Variants in NFIB observed in about 807,000 individuals in gnomAD.
NFIB encodes the protein nuclear factor I B, also known as nuclear factor 1 B-type.
In NFIB, 11 loss-of-function variants were observed where a neutral mutation model predicts 61.5. The ratio of observed to expected loss-of-function variants is 0.18; its 90% CI spans 0.11 to 0.30. NFIB has a LOEUF of 0.30. Among genes scored for constraint, NFIB ranks in the 10% least tolerant of loss-of-function variants. The probability of loss-of-function intolerance (pLI) is 1.00; values close to 1 mark genes in which losing one functional copy is unlikely to be tolerated. For synonymous variants in NFIB, 260 were observed against 216.5 expected, an observed-to-expected ratio of 1.20 and a Z score of -1.76; for missense variants, 471 against 608.9, an observed-to-expected ratio of 0.77 and a Z score of 2.38.
chr9:14,239,810 A>G (rs1260243167), intron 2 of NFIB, among the ~76,000 whole-genome samples: 1 of 152,194 alleles, frequency 6.6e-6, no homozygotes, highest in African/African-American at 2.4e-5. Context: ...AGCAGAATAA[A>G]TTATGAAAAC....
chr9:14,177,093 C>G (rs373802653), intron 3 of NFIB, among the ~76,000 whole-genome samples: 3 of 152,150 alleles, frequency 2.0e-5, no homozygotes, highest in South Asian at 4.1e-4. Context: ...TATAACAATT[C>G]AAGCAGCAAA....
At chr9:14,502,793 T>C in the NFIB span, among the ~76,000 whole-genome samples, 1 of 152,130 alleles carries the variant, frequency 6.6e-6, no homozygotes, top group East Asian at 1.9e-4. Context: ...CATGAATAAG[T>C]TCTTTAGTGG....
chr9:14,478,057 C>G, the NFIB span, among the ~76,000 whole-genome samples: 1 of 152,192 alleles, frequency 6.6e-6, no homozygotes, highest in Admixed American at 6.6e-5. Flanking sequence ...AAGAAAGGCT[C>G]CCTATTCTCT....
intron 6 of NFIB, among the ~76,000 whole-genome samples, chr9:14,146,398 C>A (rs2042279119): frequency 6.6e-6 from 1 of 152,034 alleles, no homozygotes; most frequent in Non-Finnish European, 1.5e-5. Flanking sequence ...CTGCTGTACT[C>A]CAACCAACAA....
At chr9:14,478,140 C>T in the NFIB span, among the ~76,000 whole-genome samples, 19,561 of 152,180 alleles carry the variant, frequency 0.13, 2,050 homozygotes, top group African/African-American at 0.28. Context: ...GGCATGCACA[C>T]ACACCTACAT....
rs755126502 is a variant in NFIB, at chr9:14,161,199, TG to T, written c.617-5307del. Reference sequence around the variant, plus strand: ...TCTATCTTCAGTTTCTCAACTGACTTGAACTATCCATGGTTAAAGCTAAACT... The same window carrying T: ...TCTATCTTCAGTTTCTCAACTGACTTAACTATCCATGGTTAAAGCTAAACT... On this transcript the variant is annotated intron_variant, in intron 3 of 10. Coordinates refer to ENST00000380953, the MANE Select transcript of NFIB (RefSeq NM_001190737.2). Among the ~76,000 whole-genome samples the T allele has an allele frequency of 3.9e-5, 6 of 152,310 alleles. No individual in the cohort carries two copies. In the East Asian group the frequency reaches 5.8e-4, roughly 15 times the overall value.
At chr9:14,523,769 C>T in the NFIB span, among the ~76,000 whole-genome samples, 4 of 152,100 alleles carry the variant, frequency 2.6e-5, no homozygotes, top group African/African-American at 4.8e-5. Context: ...TTAGAGATGA[C>T]GTTTGCTGAC....
At chr9:14,294,058 C>T (rs777283975) in intron 2 of NFIB, among the ~76,000 whole-genome samples, 35 of 152,112 alleles carry the variant, frequency 2.3e-4, no homozygotes, top group Middle Eastern at 3.2e-3. Context: ...TTATATTATA[C>T]GAATGTTGGA....
At chr9:14,530,813 T>G in the NFIB span, among the ~76,000 whole-genome samples, 14 of 151,014 alleles carry the variant, frequency 9.3e-5, no homozygotes, top group Admixed American at 9.2e-4. Context: ...CTGTACTAAT[T>G]GTGAGAAAAA....
the NFIB span, among the ~76,000 whole-genome samples, chr9:14,448,828 C>T: frequency 6.6e-6 from 1 of 152,128 alleles, no homozygotes; most frequent in South Asian, 2.1e-4. Flanking sequence ...TATGTTTTTG[C>T]AATATTCCCA....
chr9:14,438,714 G>A, the NFIB span, among the ~76,000 whole-genome samples: 42 of 152,220 alleles, frequency 2.8e-4, no homozygotes, highest in East Asian at 3.1e-3. Context: ...TAACCTTTAC[G>A]ATCTGGTGGG....
At chr9:14,444,074 A>C in the NFIB span, among the ~76,000 whole-genome samples, 5 of 152,342 alleles carry the variant, frequency 3.3e-5, no homozygotes, top group African/African-American at 1.2e-4. Flanking sequence ...TTTTCTAAGC[A>C]TATTTATGAT....
the NFIB span, among the ~76,000 whole-genome samples, chr9:14,437,372 T>A: frequency 0.34 from 51,185 of 152,108 alleles, 9,689 homozygotes; most frequent in Admixed American, 0.48. Flanking sequence ...TTTCCCTGCC[T>A]ATGGCAACAC....
intron 1 of NFIB, among the ~76,000 whole-genome samples, chr9:14,350,109 AC>A (rs1191167170): frequency 2.0e-5 from 3 of 151,928 alleles, no homozygotes; most frequent in Admixed American, 1.3e-4. Context: ...GGCCTGGGAA[AC>A]CCGGAGTATT....
intron 3 of NFIB, among the ~76,000 whole-genome samples, chr9:14,171,567 G>T (rs997129777): frequency 6.6e-6 from 1 of 152,150 alleles, no homozygotes; most frequent in Admixed American, 6.5e-5. Context: ...TTTCAAAGTA[G>T]AATATGAATG....
the NFIB span, among the ~76,000 whole-genome samples, chr9:14,518,016 G>A: frequency 1.1e-4 from 17 of 152,154 alleles, no homozygotes; most frequent in Non-Finnish European, 2.9e-5. Context: ...AACTCCACAA[G>A]GAAGAGCACT....
At chr9:14,190,492 T>C (rs1022540542) in intron 2 of NFIB, among the ~76,000 whole-genome samples, 6 of 152,208 alleles carry the variant, frequency 3.9e-5, no homozygotes, top group African/African-American at 1.4e-4. Flanking sequence ...TAGTATTAAA[T>C]GTCCTAACAG....
chr9:14,133,987 A>G (rs2040706376), intron 6 of NFIB, among the ~76,000 whole-genome samples: 1 of 152,194 alleles, frequency 6.6e-6, no homozygotes, highest in Non-Finnish European at 1.5e-5. Context: ...AATCCTTTGT[A>G]CAATACCCTC....
At chr9:14,238,499 C>A (rs985654723) in intron 2 of NFIB, among the ~76,000 whole-genome samples, 1 of 152,138 alleles carries the variant, frequency 6.6e-6, no homozygotes, top group Non-Finnish European at 1.5e-5. Context: ...AGGGTGCATG[C>A]GCTGAATTTT....
Sources: allele counts gnomAD v4.1 joint callset (sites outside exome capture counted in the v4.1 genomes callset), GRCh38; gene constraint gnomAD v4.1.1; transcripts MANE v1.5; gene names NCBI Gene and HGNC (gene_info 2026-07-23, HGNC 2026-07-21).